The following ZC3H11A variants were observed in gnomAD, a reference collection of about 807,000 sequenced individuals.
ZC3H11A encodes zinc finger CCCH domain-containing protein 11A.
Under a neutral mutation model 90.8 loss-of-function variants are expected in ZC3H11A, and 22 were observed. The ratio of observed to expected loss-of-function variants is 0.24; its 90% CI spans 0.17 to 0.35. ZC3H11A has a LOEUF of 0.35. Ranked by LOEUF, ZC3H11A falls within the 10% of genes least tolerant of loss-of-function variation. The pLI is 1.00. For synonymous variants in ZC3H11A, 294 were observed against 339.8 expected (o/e 0.87, Z 1.48); for missense variants, 701 against 964.9 (o/e 0.73, Z 3.62).
At chr1:203,843,827 C>T (rs1687141745) in intron 12 of ZC3H11A, among the ~76,000 whole-genome samples, 2 of 151,818 alleles carry the variant, frequency 1.3e-5, no homozygotes, top group African/African-American at 4.8e-5. Flanking sequence ...TCTTTGTTCT[C>T]TTATTTTTTT....
chr1:203,830,987 C>A (rs543170415), intron 8 of ZC3H11A, among the ~76,000 whole-genome samples: 2 of 107,542 alleles, frequency 1.9e-5, no homozygotes, highest in South Asian at 6.2e-4. Flanking sequence ...GCTTTTGTTG[C>A]CAGGCTGGAG....
intron 3 of ZC3H11A, among the ~76,000 whole-genome samples, chr1:203,817,450 A>G (rs1572058152): frequency 6.7e-6 from 1 of 150,134 alleles, no homozygotes; most frequent in East Asian, 1.9e-4. Context: ...CTTTGATTTT[A>G]TATACTTCAT....
At chr1:203,847,069 G>A in intron 12 of ZC3H11A, 115 bp from the exon 13 acceptor site, 1 of 1,113,056 alleles carries the variant, frequency 9.0e-7, no homozygotes, top group Non-Finnish European at 1.3e-6. Flanking sequence ...CCTTTTAATT[G>A]CCTGCTTAAA....
chr1:203,819,060 T>C (rs1677322540), intron 4 of ZC3H11A, among the ~76,000 whole-genome samples: 2 of 119,704 alleles, frequency 1.7e-5, no homozygotes, highest in Non-Finnish European at 3.4e-5. Flanking sequence ...AGAGCAACAC[T>C]CCGTCTCAAA....
chr1:203,834,363 C>G (rs1277527966), intron 10 of ZC3H11A, among the ~76,000 whole-genome samples: 1 of 152,168 alleles, frequency 6.6e-6, no homozygotes, highest in African/African-American at 2.4e-5. Flanking sequence ...CCTCCACCTC[C>G]TGGACTCAAG....
intron 1 of ZC3H11A, chr1:203,798,855 A>G: frequency 1.3e-6 from 2 of 1,536,138 alleles, no homozygotes; most frequent in Non-Finnish European, 1.7e-6. Flanking sequence ...CCCTGATTAT[A>G]GGTTGCCATC....
chr1:203,796,278 C>G (rs976236912), intron 1 of ZC3H11A: 2 of 396,664 alleles, frequency 5.0e-6, no homozygotes, highest in Admixed American at 4.4e-5. Context: ...TTTACCTACT[C>G]TCATTCCTCT....
At chr1:203,819,159 C>T (rs1185451200) in intron 4 of ZC3H11A, among the ~76,000 whole-genome samples, 3 of 145,802 alleles carry the variant, frequency 2.1e-5, no homozygotes, top group Non-Finnish European at 4.5e-5. Context: ...TATACACACA[C>T]GTGTATATAT....
chr1:203,848,376 C>T lies in ZC3H11A; in HGVS notation c.1592C>T (p.Ser531Phe), dbSNP rs1306488300. The change falls in exon 14 of 18, where the codon TCT (serine) becomes TTT (phenylalanine). Residue 531 changes from serine to phenylalanine, a missense_variant. Ser to Phe is a radical substitution (Grantham distance 155, BLOSUM62 -2). Coordinates refer to ENST00000367210, the MANE Select transcript of ZC3H11A (RefSeq NM_001376342.1). ...CTTCAGGAAGGAAATGAAGTTGATT[C>T]TCAGAGCAGTATTAGAACAGAAGCT... ...KNLQEGNEVD[S>F]QSSIRTEAKE... 6.2e-7 allele frequency: 1 copy of T among 1,613,214 alleles called. No homozygotes were observed. Among genetic ancestry groups the T allele is most frequent in the Non-Finnish European group, 8.5e-7 (1 of 1,179,642 alleles).
At chr1:203,828,669 C>A (rs1435256777) in intron 5 of ZC3H11A, among the ~76,000 whole-genome samples, 5 of 152,212 alleles carry the variant, frequency 3.3e-5, no homozygotes, top group Non-Finnish European at 5.9e-5. Flanking sequence ...CTTATCAGAC[C>A]CATAAACGTT....
chr1:203,816,533 AGGT>A (rs1356143354), intron 2 of ZC3H11A, among the ~76,000 whole-genome samples: 2 of 152,128 alleles, frequency 1.3e-5, no homozygotes, highest in African/African-American at 4.8e-5. Context: ...GGGGAGGCTG[AGGT>A]GGGAGAATCC....
intron 10 of ZC3H11A, chr1:203,834,095 TA>T: frequency 8.5e-7 from 1 of 1,171,810 alleles, no homozygotes. Flanking sequence ...AACTAGATTT[TA>T]AAAATGGTAA....
intron 14 of ZC3H11A, among the ~76,000 whole-genome samples, chr1:203,848,672 G>A (rs55819718): frequency 1.3e-5 from 2 of 152,274 alleles, no homozygotes; most frequent in East Asian, 3.9e-4. Flanking sequence ...CGGATCACGA[G>A]GTCAGGAGAT....
intron 8 of ZC3H11A, 26 bp from the exon 9 acceptor site, chr1:203,831,635 G>A: frequency 1.9e-6 from 3 of 1,584,778 alleles, no homozygotes; most frequent in Non-Finnish European, 2.6e-6. Context: ...TAAATTATTT[G>A]CTGTTCTTTG....
chr1:203,849,114 G>C (rs920348566), intron 14 of ZC3H11A, among the ~76,000 whole-genome samples: 8 of 152,130 alleles, frequency 5.3e-5, no homozygotes, highest in African/African-American at 1.9e-4. Flanking sequence ...CGAACTTCTG[G>C]CTTCAAGTGA....
intron 4 of ZC3H11A, among the ~76,000 whole-genome samples, chr1:203,821,322 T>A (rs553180896): frequency 1.1e-4 from 16 of 152,250 alleles, no homozygotes; most frequent in South Asian, 6.2e-4. Context: ...CTTTTTTTTT[T>A]AAATAAATTT....
chr1:203,796,089 C>T (rs1668378180), intron 1 of ZC3H11A: 1 of 180,728 alleles, frequency 5.5e-6, no homozygotes, highest in Admixed American at 6.3e-5. Flanking sequence ...ACCTTCCTCC[C>T]CTCCCCCACA....
chr1:203,853,098 AT>A lies in ZC3H11A; in HGVS notation c.*702del, dbSNP rs1689608777. 1 of 151,468 alleles carries A rather than the reference AT, an allele frequency of 6.6e-6. No individual in the cohort carries two copies. Among genetic ancestry groups the A allele is most frequent in the South Asian group, 2.1e-4 (1 of 4,778 alleles). 9.4% of individuals were successfully genotyped at this position (151,468 alleles called of 1,614,324 possible). A position where few individuals can be genotyped will look rare whatever the true frequency, so the allele number is the denominator to read the frequency against. ...AGGGGTCCCCTGAAACTAATTTTCTATTTCTGGGATTCCCTGGATTCATTAT... is the reference window on the plus strand; with the variant it reads ...AGGGGTCCCCTGAAACTAATTTTCTATTCTGGGATTCCCTGGATTCATTAT... On this transcript the variant is annotated 3_prime_UTR_variant, in exon 18 of 18. Coordinates refer to ENST00000367210, the MANE Select transcript of ZC3H11A (RefSeq NM_001376342.1).
At position 203,852,507 on chromosome 1, in the gene ZC3H11A, C is replaced by T. The variant is rs1302885242; in HGVS notation, c.*108C>T. On this transcript the variant is annotated 3_prime_UTR_variant, in exon 18 of 18. Transcript: ENST00000367210. ...ATCATTTCTTTAGTCTAGAATTTGC[C>T]CCAAATCAGAAGTATACCTCTGAAT... The T allele has an allele frequency of 5.4e-6, 7 of 1,306,294 alleles. No individual in the cohort carries two copies. Among genetic ancestry groups the T allele is most frequent in the Non-Finnish European group, 7.3e-6 (7 of 960,592 alleles). 80.9% of individuals were successfully genotyped at this position (1,306,294 alleles called of 1,614,324 possible).
Sources: gnomAD v4.1 joint callset for allele counts (sites outside exome capture counted in the v4.1 genomes callset) on GRCh38, gnomAD v4.1.1 for gene constraint, MANE v1.5 for transcripts, NCBI Gene and HGNC (gene_info 2026-07-23, HGNC 2026-07-21) for gene names.